GAB2: variants seen among roughly 807,000 people sequenced by gnomAD.
GAB2 encodes the protein GRB2-associated-binding protein 2.
Under a neutral mutation model 65.5 loss-of-function variants are expected in GAB2, and 26 were observed. The ratio of observed to expected loss-of-function variants is 0.40; its 90% CI spans 0.29 to 0.55. GAB2 has a LOEUF of 0.55. Ranked by LOEUF, GAB2 falls within the 20% of genes least tolerant of loss-of-function variation. The pLI is 0.53. For missense variants in GAB2, 884 were observed against 875.8 expected (o/e 1.01, Z -0.12); for synonymous variants, 321 against 329.6 (o/e 0.97, Z 0.28).
rs774828016 is a variant in GAB2, at chr11:78,223,685, A to G, written c.1303-9T>C. The G allele has an allele frequency of 5.1e-6, 8 of 1,577,234 alleles. No individual in the cohort carries two copies. The highest frequency in any genetic ancestry group is 6.9e-6 in the Non-Finnish European group (8 of 1,160,798). On this transcript the variant is annotated splice_polypyrimidine_tract_variant and intron_variant, in intron 5 of 9. Coordinates refer to ENST00000361507, the MANE Select transcript of GAB2 (RefSeq NM_080491.3). ...ACAATCATTTTCCCTGGCTAGGGAG[A>G]GGAACAGTGAAAGAAATACAGCTGT...
chr11:78,274,629 C>T (rs1165722904), intron 2 of GAB2, among the ~76,000 whole-genome samples: 2 of 152,214 alleles, frequency 1.3e-5, no homozygotes, highest in Non-Finnish European at 2.9e-5. Context: ...TGAACTAAGA[C>T]ATCCTTGTCC....
rs1369334716 is a variant in GAB2 at position 78,365,620 on chromosome 11, T to A, written c.75+52026A>T. ...TACAGTCACTGATTGGGATTGATTG[T>A]TACTGTGGAGCTGGGTGGGACCAGG... is the stretch of plus-strand genomic sequence containing the variant. On this transcript the variant is annotated intron_variant, in intron 1 of 9. Transcript: ENST00000361507. 2.0e-5 allele frequency among the ~76,000 whole-genome samples: 3 copies of A among 152,116 alleles called. No homozygotes were observed. In the East Asian group the frequency reaches 5.8e-4, roughly 29 times the overall value.
chr11:78,351,194 C>G (rs1233198525), intron 1 of GAB2, among the ~76,000 whole-genome samples: 1 of 152,034 alleles, frequency 6.6e-6, no homozygotes, highest in East Asian at 1.9e-4. Flanking sequence ...TACCTGTATT[C>G]TAGCCCTTGA....
intron 1 of GAB2, among the ~76,000 whole-genome samples, chr11:78,319,715 TATTAA>T (rs1180192273): frequency 6.6e-6 from 1 of 152,232 alleles, no homozygotes; most frequent in Non-Finnish European, 1.5e-5. Flanking sequence ...GATATAAAAT[TATTAA>T]AGTGCACTTA....
chr11:78,377,255 A>G (rs1158732102), intron 1 of GAB2, among the ~76,000 whole-genome samples: 1 of 152,244 alleles, frequency 6.6e-6, no homozygotes, highest in Non-Finnish European at 1.5e-5. Flanking sequence ...GAAGTCCAGG[A>G]TGAAGGAACT....
chr11:78,330,235 T>TC (rs893974333), intron 1 of GAB2, among the ~76,000 whole-genome samples: 85 of 152,310 alleles, frequency 5.6e-4, no homozygotes, highest in African/African-American at 2.0e-3. Context: ...GTTCTTCCTA[T>TC]CATTTGGTAA....
intron 1 of GAB2, among the ~76,000 whole-genome samples, chr11:78,361,016 T>C (rs1437226541): frequency 6.6e-6 from 1 of 152,168 alleles, no homozygotes; most frequent in Admixed American, 6.5e-5. Flanking sequence ...ACAAAGCGTA[T>C]TGCTATATAT....
rs751533828 is a variant in GAB2 at position 78,267,857 on chromosome 11, C to CAAAAAAAAAAAAAAAAAAAAAAAAAAAA, written c.376+12743_376+12744insTTTTTTTTTTTTTTTTTTTTTTTTTTTT. ...TGGGTGATAGAGCGAGACTCCGTCT[C>CAAAAAAAAAAAAAAAAAAAAAAAAAAAA]AAAAAAAAAAAAAAAAAAAAAAAAG... On this transcript the variant is annotated intron_variant, in intron 2 of 9. Coordinates refer to ENST00000361507, the MANE Select transcript of GAB2 (RefSeq NM_080491.3). Among the ~76,000 whole-genome samples, 12 of 32,788 alleles carry CAAAAAAAAAAAAAAAAAAAAAAAAAAAA rather than the reference C, an allele frequency of 3.7e-4. 1 individual carries two copies. Among genetic ancestry groups the CAAAAAAAAAAAAAAAAAAAAAAAAAAAA allele is most frequent in the Admixed American group, 7.1e-4 (2 of 2,822 alleles). 21.5% of individuals were successfully genotyped at this position (32,788 alleles called of 152,430 possible). A position where few individuals can be genotyped will look rare whatever the true frequency, so the allele number is the denominator to read the frequency against.
intron 2 of GAB2, among the ~76,000 whole-genome samples, chr11:78,252,611 T>G (rs1487426779): frequency 6.6e-6 from 1 of 152,158 alleles, no homozygotes; most frequent in East Asian, 1.9e-4. Context: ...TAGACCCTCC[T>G]ATAGCCTCTC....
At chr11:78,248,257 T>C (rs756082192) in intron 3 of GAB2, among the ~76,000 whole-genome samples, 2 of 152,120 alleles carry the variant, frequency 1.3e-5, no homozygotes, top group Non-Finnish European at 2.9e-5. Flanking sequence ...GAGTGGGCCC[T>C]AAAGGCTAAT....
intron 1 of GAB2, among the ~76,000 whole-genome samples, chr11:78,411,210 T>C (rs1857125129): frequency 6.6e-6 from 1 of 151,702 alleles, no homozygotes; most frequent in African/African-American, 2.4e-5. Flanking sequence ...AAGAAAGACA[T>C]ATATAAATAA....
At chr11:78,300,235 T>C (rs1048944587) in intron 1 of GAB2, among the ~76,000 whole-genome samples, 1 of 151,916 alleles carries the variant, frequency 6.6e-6, no homozygotes, top group Non-Finnish European at 1.5e-5. Context: ...GTGCCTGGCT[T>C]TTTATGCACA....
intron 1 of GAB2, among the ~76,000 whole-genome samples, chr11:78,301,590 C>T (rs980662001): frequency 6.6e-6 from 1 of 152,166 alleles, no homozygotes; most frequent in African/African-American, 2.4e-5. Flanking sequence ...ACCTTGGCCT[C>T]TCAAAGTGTT....
At chr11:78,238,698 A>G (rs770744043) in intron 3 of GAB2, among the ~76,000 whole-genome samples, 2 of 152,200 alleles carry the variant, frequency 1.3e-5, no homozygotes, top group Non-Finnish European at 2.9e-5. Flanking sequence ...GAAAACATAG[A>G]AGAAAAGCTT....
At chr11:78,272,969 G>A (rs1283408318) in intron 2 of GAB2, among the ~76,000 whole-genome samples, 1 of 152,234 alleles carries the variant, frequency 6.6e-6, no homozygotes, top group East Asian at 1.9e-4. Flanking sequence ...CCAAGCCTTG[G>A]CAGCTTCCAT....
At chr11:78,288,228 A>G (rs1056861269) in intron 1 of GAB2, among the ~76,000 whole-genome samples, 2 of 151,598 alleles carry the variant, frequency 1.3e-5, no homozygotes, top group Non-Finnish European at 2.9e-5. Context: ...AAAATACAAA[A>G]ATTAGCTAGG....
At chr11:78,378,653 TTTTTGTTC>T (rs1856662217) in intron 1 of GAB2, among the ~76,000 whole-genome samples, 1 of 152,168 alleles carries the variant, frequency 6.6e-6, no homozygotes, top group African/African-American at 2.4e-5. Flanking sequence ...CACTTTTTTC[TTTTTGTTC>T]TTTTGTTTTG....
chr11:78,373,706 C>A (rs1856600139), intron 1 of GAB2, among the ~76,000 whole-genome samples: 1 of 152,082 alleles, frequency 6.6e-6, no homozygotes, highest in Non-Finnish European at 1.5e-5. Context: ...AGAATAGAAC[C>A]TGGCATGATA....
At chr11:78,221,094 C>T (rs1451670921) in intron 8 of GAB2, among the ~76,000 whole-genome samples, 1 of 152,212 alleles carries the variant, frequency 6.6e-6, no homozygotes, top group Non-Finnish European at 1.5e-5. Flanking sequence ...TCTAGCAGAG[C>T]ACCACCTCCT....
Sources: gnomAD v4.1 joint callset for allele counts (sites outside exome capture counted in the v4.1 genomes callset) on GRCh38, gnomAD v4.1.1 for gene constraint, MANE v1.5 for transcripts, NCBI Gene and HGNC (gene_info 2026-07-23, HGNC 2026-07-21) for gene names.